Variants in ACOT12 observed in about 807,000 individuals in gnomAD.
ACOT12 encodes acyl-CoA thioesterase 12.
ACOT12 carries 51 observed loss-of-function variants against 67.7 expected under a neutral mutation model. The observed-to-expected ratio is 0.75, with a 90% confidence interval of 0.60 to 0.95. The LOEUF (loss-of-function observed/expected upper bound fraction) is 0.95, where lower values mean the gene tolerates loss of function less well. Among genes scored for constraint, ACOT12 ranks in the 40% least tolerant of loss-of-function variants. The pLI, the probability that ACOT12 is intolerant of heterozygous loss-of-function variation, is 0.00. For missense variants in ACOT12, 734 were observed against 708.1 expected (o/e 1.04, Z -0.41); for synonymous variants, 251 against 244.6 (o/e 1.03, Z -0.24).
At chr5:81,330,740 A>G in intron 14 of ACOT12, 74 bp downstream of exon 14, 2 of 1,570,958 alleles carry the variant, frequency 1.3e-6, no homozygotes, top group Non-Finnish European at 1.7e-6. Context: ...ATTAATTAGG[A>G]CATCTGGGTA....
intron 1 of ACOT12, among the ~76,000 whole-genome samples, chr5:81,388,550 C>A (rs1229454097): frequency 1.3e-5 from 2 of 152,138 alleles, no homozygotes; most frequent in African/African-American, 4.8e-5. Context: ...ATAGTGGTAA[C>A]CTTCCTTCAT....
chr5:81,378,558 A>C, intron 2 of ACOT12, among the ~76,000 whole-genome samples: 1 of 152,212 alleles, frequency 6.6e-6, no homozygotes. Flanking sequence ...CAACCTACAG[A>C]ATGGGAGAAA....
intron 4 of ACOT12, among the ~76,000 whole-genome samples, chr5:81,362,865 A>G (rs1759960546): frequency 6.6e-6 from 1 of 152,226 alleles, no homozygotes; most frequent in Non-Finnish European, 1.5e-5. Context: ...TCCATTTGAA[A>G]AATAACACCC....
At chr5:81,393,336 T>C (rs1262269001) in intron 1 of ACOT12, among the ~76,000 whole-genome samples, 1 of 152,228 alleles carries the variant, frequency 6.6e-6, no homozygotes, top group African/African-American at 2.4e-5. Context: ...TCCATTTCTT[T>C]TTTAAAAATA....
rs1218164011 is a variant in ACOT12 at position 81,330,099 on chromosome 5, T to C, written c.*295A>G. ...AATGTTTACGATAATTTAAACTAAA[T>C]TCATGCCATTTTATAGAACACATAG... On this transcript the variant is annotated 3_prime_UTR_variant, in exon 15 of 15. Coordinates refer to ENST00000307624, the MANE Select transcript of ACOT12 (RefSeq NM_130767.3). 4 of 215,274 alleles carry C rather than the reference T, an allele frequency of 1.9e-5. No individual in the cohort carries two copies. Among genetic ancestry groups the C allele is most frequent in the Non-Finnish European group, 2.7e-5 (3 of 109,646 alleles). The allele number at this position is 215,274 out of a possible 1,614,324, so 13.3% of individuals were successfully genotyped here.
chr5:81,357,870 G>C (rs1008340959), intron 5 of ACOT12, among the ~76,000 whole-genome samples: 1 of 151,976 alleles, frequency 6.6e-6, no homozygotes, highest in Admixed American at 6.6e-5. Flanking sequence ...GCTGGGCGTG[G>C]TGGCGCATGC....
chr5:81,388,307 A>G (rs1255938178), intron 1 of ACOT12, among the ~76,000 whole-genome samples: 1 of 152,186 alleles, frequency 6.6e-6, no homozygotes, highest in African/African-American at 2.4e-5. Flanking sequence ...AGGAAAAAAA[A>G]TATGGGGACC....
intron 5 of ACOT12, among the ~76,000 whole-genome samples, chr5:81,351,006 C>T (rs193236511): frequency 6.6e-6 from 1 of 152,206 alleles, no homozygotes; most frequent in African/African-American, 2.4e-5. Flanking sequence ...TTTGTGTTTT[C>T]TCACCATTTC....
chr5:81,367,966 A>G (rs1000488676), intron 3 of ACOT12, among the ~76,000 whole-genome samples: 1 of 152,194 alleles, frequency 6.6e-6, no homozygotes, highest in Non-Finnish European at 1.5e-5. Flanking sequence ...GGCAAACTTC[A>G]TAATGATAAA....
chr5:81,340,125 C>T (rs1759144415), intron 11 of ACOT12, among the ~76,000 whole-genome samples: 1 of 151,690 alleles, frequency 6.6e-6, no homozygotes. Context: ...GCAACCTCTG[C>T]CTCCCAGGTT....
chr5:81,365,734 C>T (rs1760057432), intron 3 of ACOT12, among the ~76,000 whole-genome samples: 1 of 152,150 alleles, frequency 6.6e-6, no homozygotes, highest in African/African-American at 2.4e-5. Context: ...GACTGTGATC[C>T]CCAAGGCGGG....
Position 81,363,798 on chromosome 5 carries a change from C to G in ACOT12, c.350G>C (p.Gly117Ala), listed in dbSNP as rs756431922. The stretch of plus-strand genomic sequence containing the variant: ...ACATACAAAATTTACCTTTTCTTTT[C>G]CAACTGGTTTGGCTACAAATGTGGA... ...AFSTFVAKPV[G>A]KEKIHLKPVT... is the part of the protein sequence containing the mutation. Residue 117 changes from glycine to alanine, a missense_variant, in exon 4 of 15, where the codon GGA becomes GCA. Transcript: ENST00000307624. 23 of 1,608,980 alleles carry G rather than the reference C, an allele frequency of 1.4e-5. No individual in the cohort carries two copies. The South Asian group carries it at 2.5e-4, about 18-fold the overall frequency.
At chr5:81,363,741 A>G (rs1285591532) in intron 4 of ACOT12, 47 bp downstream of exon 4, 2 of 1,404,766 alleles carry the variant, frequency 1.4e-6, no homozygotes, top group African/African-American at 2.9e-5. Context: ...AATTGTTACT[A>G]TGTCCCTGAA....
At chr5:81,308,843 A>T in the ACOT12 span, 1 of 1,377,432 alleles carries the variant, frequency 7.3e-7, no homozygotes, top group Non-Finnish European at 9.7e-7. Context: ...TTAAATTTTA[A>T]GTTATGTAAA....
intron 1 of ACOT12, among the ~76,000 whole-genome samples, chr5:81,387,786 C>G (rs956773245): frequency 6.6e-5 from 10 of 152,200 alleles, no homozygotes; most frequent in African/African-American, 1.9e-4. Flanking sequence ...CTCAAGTGAT[C>G]CTCCTGCCTT....
chr5:81,347,437 C>A (rs1042316433), intron 6 of ACOT12, among the ~76,000 whole-genome samples: 8 of 152,126 alleles, frequency 5.3e-5, no homozygotes, highest in African/African-American at 1.7e-4. Flanking sequence ...AAGTGTGAAG[C>A]CTGTCTTCTA....
At chr5:81,379,693 G>T (rs534294653) in intron 2 of ACOT12, among the ~76,000 whole-genome samples, 2 of 152,188 alleles carry the variant, frequency 1.3e-5, no homozygotes, top group South Asian at 2.1e-4. Context: ...ACCCTACTCA[G>T]GTTTCTGGTA....
intron 3 of ACOT12, among the ~76,000 whole-genome samples, chr5:81,370,985 T>A (rs1040158345): frequency 3.9e-5 from 6 of 152,160 alleles, no homozygotes; most frequent in Non-Finnish European, 8.8e-5. Context: ...GGATGCAGAA[T>A]AAAAATCTTC....
chr5:81,384,944 A>T (rs1460522180), intron 2 of ACOT12, among the ~76,000 whole-genome samples: 1 of 152,150 alleles, frequency 6.6e-6, no homozygotes, highest in African/African-American at 2.4e-5. Flanking sequence ...TCAATTACCA[A>T]CCTAAATATG....
Sources: gnomAD v4.1 joint callset for allele counts (sites outside exome capture counted in the v4.1 genomes callset) on GRCh38, gnomAD v4.1.1 for gene constraint, MANE v1.5 for transcripts, NCBI Gene and HGNC (gene_info 2026-07-23, HGNC 2026-07-21) for gene names.